MAPT: variants seen among roughly 807,000 people sequenced by gnomAD.
MAPT encodes the protein microtubule associated protein tau.
In MAPT, 34 loss-of-function variants were observed where a neutral mutation model predicts 67.9. That is an observed-to-expected ratio of 0.50 (90% CI 0.38 to 0.67). The LOEUF (loss-of-function observed/expected upper bound fraction) is 0.67. Ranked by LOEUF, MAPT falls within the 30% of genes least tolerant of loss-of-function variation. The probability of loss-of-function intolerance (pLI) is 0.00; values close to 1 mark genes in which losing one functional copy is unlikely to be tolerated. For missense variants in MAPT, 881 were observed against 1,115.2 expected (o/e 0.79, Z 2.99); for synonymous variants, 456 against 464.5 (o/e 0.98, Z 0.23).
intron 6 of MAPT, among the ~76,000 whole-genome samples, chr17:45,989,421 C>T (rs1040373815): frequency 6.6e-6 from 1 of 152,094 alleles, no homozygotes. Flanking sequence ...GAGGCCGAGA[C>T]GGGTGGATCA....
In MAPT at chr17:45,915,216, G is replaced by A. The variant is rs1057414896; in HGVS notation, c.-18+20530G>A. ...GAGACTGGAGTGCGTGTGTGTGCGC[G>A]CAAAGTGTGGGGGGATGGGGGTGAG... On this transcript the variant is annotated intron_variant, in intron 1 of 12. Transcript: ENST00000262410. This position sits in a 1 kb window ranked among gnomAD's most constrained non-coding sequence, Gnocchi z 4.4. 3.3e-5 allele frequency among the ~76,000 whole-genome samples: 5 copies of A among 151,686 alleles called. No individual in the cohort carries two copies. Among genetic ancestry groups the A allele is most frequent in the South Asian group, 2.1e-4 (1 of 4,780 alleles).
intron 1 of MAPT, among the ~76,000 whole-genome samples, chr17:45,930,355 C>T (rs931303632): frequency 6.7e-6 from 1 of 149,546 alleles, no homozygotes; most frequent in African/African-American, 2.5e-5. Flanking sequence ...TGCAGTGAGC[C>T]GAGATCGCAC....
At chr17:45,957,442 A>G (rs551172084) in intron 1 of MAPT, among the ~76,000 whole-genome samples, 4 of 152,216 alleles carry the variant, frequency 2.6e-5, no homozygotes, top group Non-Finnish European at 4.4e-5. Flanking sequence ...AGGGAATCAC[A>G]TCTGTCTGAT....
At chr17:46,020,583 G>A (rs1237729340) in intron 12 of MAPT, among the ~76,000 whole-genome samples, 1 of 152,188 alleles carries the variant, frequency 6.6e-6, no homozygotes, top group East Asian at 1.9e-4. Flanking sequence ...ATAGAGGTCT[G>A]ATGGACTCAC....
At chr17:45,924,669 A>G (rs929765478) in intron 1 of MAPT, among the ~76,000 whole-genome samples, 1 of 152,222 alleles carries the variant, frequency 6.6e-6, no homozygotes, top group African/African-American at 2.4e-5. Context: ...ATCTCAGTCA[A>G]TAAGGCTGCT....
At chr17:46,019,156 A>G (rs571510784) in intron 12 of MAPT, among the ~76,000 whole-genome samples, 4 of 152,160 alleles carry the variant, frequency 2.6e-5, no homozygotes, top group Non-Finnish European at 5.9e-5. Context: ...GGCGGAAGGC[A>G]AAGGAGAAGC....
chr17:45,959,463 A>C (rs2070133448), intron 1 of MAPT, among the ~76,000 whole-genome samples: 1 of 152,340 alleles, frequency 6.6e-6, no homozygotes, highest in South Asian at 2.1e-4. Context: ...CTACACCCTC[A>C]ACAAGCCCGA....
chr17:45,938,836 CAG>C (rs1309529971), intron 1 of MAPT, among the ~76,000 whole-genome samples: 19 of 116,060 alleles, frequency 1.6e-4, no homozygotes, highest in African/African-American at 5.6e-4. Flanking sequence ...TTTTTTGAGA[CAG>C]AGTCTCACTC....
chr17:46,013,276 G>A (rs2075946939), intron 10 of MAPT, among the ~76,000 whole-genome samples: 1 of 152,198 alleles, frequency 6.6e-6, no homozygotes, highest in Non-Finnish European at 1.5e-5. Flanking sequence ...CTCCAGGAAT[G>A]TCAATCAGTG....
At chr17:45,997,104 G>A (rs1268673532) in intron 9 of MAPT, among the ~76,000 whole-genome samples, 1 of 152,210 alleles carries the variant, frequency 6.6e-6, no homozygotes, top group African/African-American at 2.4e-5. Flanking sequence ...GCTTAGGTTG[G>A]GTTCCTCTGG....
chr17:46,001,563 C>T (rs1416509397), intron 9 of MAPT, among the ~76,000 whole-genome samples: 1 of 152,094 alleles, frequency 6.6e-6, no homozygotes, highest in East Asian at 1.9e-4. Flanking sequence ...TTTGGGAGGC[C>T]GATGCTGGAG....
At chr17:45,989,816 AGTTT>A in intron 6 of MAPT, 58 bp from the exon 7 acceptor site, 2 of 1,439,500 alleles carry the variant, frequency 1.4e-6, no homozygotes, top group South Asian at 2.3e-5. Flanking sequence ...TCCTTTTTTC[AGTTT>A]GTTTCCCTCC....
chr17:45,919,064 TAAAAAAA>T (rs80344216), intron 1 of MAPT, among the ~76,000 whole-genome samples: 1 of 104,186 alleles, frequency 9.6e-6, no homozygotes, highest in South Asian at 3.1e-4. Context: ...TCTGTCTCAA[TAAAAAAA>T]AAAAAAAAGA....
At chr17:45,949,127 G>T (rs1434873280) in intron 1 of MAPT, among the ~76,000 whole-genome samples, 1 of 152,254 alleles carries the variant, frequency 6.6e-6, no homozygotes, top group African/African-American at 2.4e-5. Flanking sequence ...TTAACTGAAG[G>T]GATAAGGAGG....
At position 45,915,889 on chromosome 17, in the gene MAPT, A is replaced by G. The variant is rs567711181; in HGVS notation, c.-18+21203A>G. 1.2e-4 allele frequency among the ~76,000 whole-genome samples: 18 copies of G among 152,306 alleles called. No individual in the cohort carries two copies. The South Asian group carries it at 3.5e-3, about 30-fold the overall frequency. On this transcript the variant is annotated intron_variant, in intron 1 of 12. Transcript: ENST00000262410. This position sits in a 1 kb window ranked among gnomAD's most constrained non-coding sequence, Gnocchi z 4.4. ...GATGCCAAATCCTTTTATATCAAAA[A>G]CAACCAGAACACTCTCTTTTCTCTT...
chr17:45,949,008 G>A (rs2068784062), intron 1 of MAPT, among the ~76,000 whole-genome samples: 1 of 152,228 alleles, frequency 6.6e-6, no homozygotes, highest in Middle Eastern at 3.2e-3. Context: ...TTTAACGATA[G>A]CTTTATTGAG....
At chr17:45,982,465 A>G (rs2073072813) in intron 4 of MAPT, among the ~76,000 whole-genome samples, 2 of 152,128 alleles carry the variant, frequency 1.3e-5, no homozygotes, top group Admixed American at 6.5e-5. Context: ...AAGCAGGAGA[A>G]GCTTCTGTAG....
chr17:45,947,677 C>T (rs2068645356), intron 1 of MAPT, among the ~76,000 whole-genome samples: 2 of 152,016 alleles, frequency 1.3e-5, no homozygotes, highest in African/African-American at 4.8e-5. Flanking sequence ...TGTGAGCCAC[C>T]GCGCCTGGCC....
At chr17:46,008,779 C>G (rs2075623698) in intron 9 of MAPT, among the ~76,000 whole-genome samples, 2 of 152,144 alleles carry the variant, frequency 1.3e-5, no homozygotes, top group Admixed American at 1.3e-4. Flanking sequence ...TGGTTTCCAC[C>G]CAGCATTCTC....
Sources: allele counts gnomAD v4.1 joint callset (sites outside exome capture counted in the v4.1 genomes callset), GRCh38; gene constraint gnomAD v4.1.1; non-coding constraint Gnocchi (gnomAD v3.1); transcripts MANE v1.5; gene names NCBI Gene and HGNC (gene_info 2026-07-23, HGNC 2026-07-21).